The following PLD5 variants were observed in gnomAD, a reference collection of about 807,000 sequenced individuals.
PLD5 encodes the protein phospholipase D family member 5, also known as inactive phospholipase D5.
A neutral mutation model predicts 61.1 loss-of-function variants in PLD5; 36 were observed. That is an observed-to-expected ratio of 0.59 (90% CI 0.45 to 0.78). The LOEUF (loss-of-function observed/expected upper bound fraction) is 0.78. Among genes scored for constraint, PLD5 ranks in the 30% least tolerant of loss-of-function variants. PLD5 has a pLI of 0.00. For synonymous variants in PLD5, 243 were observed against 242.8 expected, an observed-to-expected ratio of 1.00 and a Z score of -0.01; for missense variants, 515 against 644.4, an observed-to-expected ratio of 0.80 and a Z score of 2.17.
intron 1 of PLD5, among the ~76,000 whole-genome samples, chr1:242,385,417 T>TA (rs1357691964): frequency 6.6e-6 from 1 of 152,170 alleles, no homozygotes; most frequent in Non-Finnish European, 1.5e-5. Context: ...TCATAAATGC[T>TA]AAACTCACAG....
intron 1 of PLD5, among the ~76,000 whole-genome samples, chr1:242,381,591 C>T (rs983824045): frequency 6.6e-6 from 1 of 152,200 alleles, no homozygotes; most frequent in African/African-American, 2.4e-5. Flanking sequence ...TTCCCACCAT[C>T]TCAAATTCCA....
intron 4 of PLD5, among the ~76,000 whole-genome samples, chr1:242,222,752 T>C (rs565935013): frequency 2.0e-5 from 3 of 152,326 alleles, no homozygotes; most frequent in Admixed American, 2.0e-4. Context: ...AAAAGTACCA[T>C]GTTATTTTGC....
intron 2 of PLD5, among the ~76,000 whole-genome samples, chr1:242,289,389 C>T (rs1398243737): frequency 6.6e-6 from 1 of 152,046 alleles, no homozygotes; most frequent in Non-Finnish European, 1.5e-5. Context: ...CGCTCTGTTG[C>T]CCAGGCTGGA....
chr1:242,394,949 T>TATATATGAATATATAAATATATATGAA (rs1558527747), intron 1 of PLD5, among the ~76,000 whole-genome samples: 3 of 67,202 alleles, frequency 4.5e-5, no homozygotes, highest in Admixed American at 2.0e-4. Flanking sequence ...ATATATATGA[T>TATATATGAATATATAAATATATATGAA]TATATATGAA....
intron 1 of PLD5, among the ~76,000 whole-genome samples, chr1:242,357,913 A>G (rs529518755): frequency 1.3e-5 from 2 of 152,262 alleles, no homozygotes; most frequent in South Asian, 2.1e-4. Context: ...TCCCACGGTC[A>G]TACTTTATTC....
intron 1 of PLD5, among the ~76,000 whole-genome samples, chr1:242,494,247 C>G (rs1465087714): frequency 6.6e-6 from 1 of 152,062 alleles, no homozygotes; most frequent in Non-Finnish European, 1.5e-5. Context: ...ATGCAAGATG[C>G]TGTCCTACCG....
chr1:242,360,296 T>C (rs1173171700), intron 1 of PLD5, among the ~76,000 whole-genome samples: 1 of 152,106 alleles, frequency 6.6e-6, no homozygotes. Flanking sequence ...TTTGTGAACA[T>C]TAAAAGGATC....
At chr1:242,159,071 C>T (rs1665620316) in intron 5 of PLD5, among the ~76,000 whole-genome samples, 1 of 152,090 alleles carries the variant, frequency 6.6e-6, no homozygotes, top group African/African-American at 2.4e-5. Flanking sequence ...ATATTTGAGT[C>T]TAGTTGTGCT....
rs897130054 is a variant in PLD5, at chr1:242,524,683, CT to C, written c.-408del. ...GAGCGGGCGCTCCGCTCGCCGGCTCCTTGCGGCACCTACTGGGACCCGGGCC... is the reference window on the plus strand; with the variant it reads ...GAGCGGGCGCTCCGCTCGCCGGCTCCTGCGGCACCTACTGGGACCCGGGCC... On this transcript the variant is annotated 5_prime_UTR_variant, in exon 1 of 10. Coordinates refer to ENST00000536534, the MANE Select transcript of PLD5 (RefSeq NM_001372062.1). 3 of 141,568 alleles carry C rather than the reference CT, an allele frequency of 2.1e-5. No individual in the cohort carries two copies. The highest frequency in any genetic ancestry group is 7.7e-5 in the African/African-American group (3 of 39,012). The allele number at this position is 141,568 out of a possible 1,614,324, so 8.8% of individuals were successfully genotyped here. A position where few individuals can be genotyped will look rare whatever the true frequency, so the allele number is the denominator to read the frequency against.
intron 1 of PLD5, among the ~76,000 whole-genome samples, chr1:242,432,393 A>G (rs147761182): frequency 6.6e-6 from 1 of 152,204 alleles, no homozygotes; most frequent in African/African-American, 2.4e-5. Flanking sequence ...GAGGCTGCCA[A>G]CGTAGGGGAC....
intron 8 of PLD5, among the ~76,000 whole-genome samples, chr1:242,101,152 C>T (rs536542272): frequency 3.2e-4 from 48 of 152,222 alleles, no homozygotes; most frequent in African/African-American, 1.0e-3. Context: ...GGCAATGAAC[C>T]GAATGAGTAT....
rs1469863234 is a variant in PLD5 at position 242,524,148 on chromosome 1, G to A, written c.129C>T (p.Ser43=). The change falls in exon 1 of 10, where the codon AGC becomes AGT. Residue 43 remains serine, a synonymous_variant. Transcript: ENST00000536534. The part of the protein sequence containing the change: ...LTRVGANFYS[S]VKQQDYSASV... ...TGGCGCTGTAGTCCTGCTGCTTGAC[G>A]CTGCTGTAGAAGTTCGCGCCCACTC... 5.2e-6 allele frequency: 8 copies of A among 1,535,606 alleles called. No individual in the cohort carries two copies. The highest frequency in any genetic ancestry group is 7.0e-6 in the Non-Finnish European group (8 of 1,146,628).
At chr1:242,293,229 A>C (rs1675469020) in intron 2 of PLD5, among the ~76,000 whole-genome samples, 1 of 152,200 alleles carries the variant, frequency 6.6e-6, no homozygotes, top group Non-Finnish European at 1.5e-5. Context: ...GAAGATGACA[A>C]AGAAGAAAGT....
intron 2 of PLD5, among the ~76,000 whole-genome samples, chr1:242,322,486 T>A (rs1352795134): frequency 6.6e-6 from 1 of 152,218 alleles, no homozygotes; most frequent in East Asian, 1.9e-4. Flanking sequence ...ACAGCTTTTA[T>A]CACTTTATAG....
intron 1 of PLD5, among the ~76,000 whole-genome samples, chr1:242,397,543 GC>G (rs2149274782): frequency 6.6e-6 from 1 of 151,912 alleles, no homozygotes; most frequent in South Asian, 2.1e-4. Flanking sequence ...TCTCCATAAG[GC>G]TCAACGCATG....
chr1:242,202,142 AG>A (rs1245180177), intron 5 of PLD5, among the ~76,000 whole-genome samples: 1 of 152,198 alleles, frequency 6.6e-6, no homozygotes, highest in East Asian at 1.9e-4. Flanking sequence ...CGAACCCAGC[AG>A]GTGGAGGTTC....
intron 4 of PLD5, among the ~76,000 whole-genome samples, chr1:242,257,188 G>GAA (rs898146942): frequency 6.6e-6 from 1 of 152,020 alleles, no homozygotes; most frequent in African/African-American, 2.4e-5. Context: ...AAAAAGGAAA[G>GAA]AAAATTCTTG....
intron 5 of PLD5, among the ~76,000 whole-genome samples, chr1:242,149,668 C>T (rs1447784411): frequency 1.5e-5 from 2 of 135,436 alleles, no homozygotes; most frequent in Non-Finnish European, 3.1e-5. Context: ...GTTTTATACA[C>T]ATACACACAC....
chr1:242,474,303 C>T (rs535255680), intron 1 of PLD5, among the ~76,000 whole-genome samples: 5 of 152,322 alleles, frequency 3.3e-5, no homozygotes, highest in African/African-American at 1.2e-4. Flanking sequence ...CAGAATTCAT[C>T]ATCACCCCTA....
Sources: gnomAD v4.1 joint callset for allele counts (sites outside exome capture counted in the v4.1 genomes callset) on GRCh38, gnomAD v4.1.1 for gene constraint, MANE v1.5 for transcripts, NCBI Gene and HGNC (gene_info 2026-07-23, HGNC 2026-07-21) for gene names.